ANKRD6: variants seen among roughly 807,000 people sequenced by gnomAD.
ANKRD6 encodes the protein ankyrin repeat domain-containing protein 6.
A neutral mutation model predicts 82.3 loss-of-function variants in ANKRD6; 56 were observed. The observed-to-expected ratio is 0.68, with a 90% confidence interval of 0.55 to 0.85. The LOEUF is 0.85. Among genes scored for constraint, ANKRD6 ranks in the 40% least tolerant of loss-of-function variants. ANKRD6 has a pLI of 0.00. For missense variants in ANKRD6, 852 were observed against 907.6 expected, an observed-to-expected ratio of 0.94 and a Z score of 0.79; for synonymous variants, 347 against 352.1, an observed-to-expected ratio of 0.99 and a Z score of 0.16.
chr6:89,596,322 C>T (rs1053686450), intron 3 of ANKRD6, among the ~76,000 whole-genome samples: 1 of 152,022 alleles, frequency 6.6e-6, no homozygotes, highest in Non-Finnish European at 1.5e-5. Context: ...TTGCCTGTGT[C>T]CTGTCTCAGC....
chr6:89,612,300 G>C lies in ANKRD6; in HGVS notation c.446G>C (p.Cys149Ser). 1 of 1,561,854 alleles carries C rather than the reference G, an allele frequency of 6.4e-7. No individual in the cohort carries two copies. Among genetic ancestry groups the C allele is most frequent in the Admixed American group, 1.9e-5 (1 of 52,518 alleles). Residue 149 changes from cysteine to serine, a missense_variant, in exon 6 of 16, where the codon TGC (cysteine) becomes TCC (serine). Cys to Ser is a moderately radical substitution (Grantham distance 112). Transcript: ENST00000339746. The part of the protein sequence containing the change: ...KAGNTALHLA[C>S]QNSHSQSTRV... ...GGGAACACAGCTCTGCACCTGGCCT[G>C]CCAGAACAGCCACTCCCAGAGCACG...
At chr6:89,551,631 T>C (rs1785863125) in intron 1 of ANKRD6, among the ~76,000 whole-genome samples, 1 of 152,208 alleles carries the variant, frequency 6.6e-6, no homozygotes, top group Non-Finnish European at 1.5e-5. Flanking sequence ...ATTTTCTCTA[T>C]GAAGAGAAGA....
intron 1 of ANKRD6, among the ~76,000 whole-genome samples, chr6:89,453,958 C>A (rs549628865): frequency 1.3e-5 from 2 of 151,922 alleles, no homozygotes; most frequent in South Asian, 2.1e-4. Flanking sequence ...CCTGCCACCA[C>A]GCCCGGCTAA....
At chr6:89,572,699 TGTAAG>T (rs1790208544) in intron 2 of ANKRD6, among the ~76,000 whole-genome samples, 1 of 152,208 alleles carries the variant, frequency 6.6e-6, no homozygotes, top group Non-Finnish European at 1.5e-5. Flanking sequence ...TTTTATATAG[TGTAAG>T]GTAAGGGTCC....
chr6:89,623,339 T>A (rs10944455), intron 10 of ANKRD6, 71 bp from the exon 11 acceptor site: 1,003,663 of 1,515,602 alleles, frequency 0.66, 337,050 homozygotes, highest in South Asian at 0.69. Flanking sequence ...TTGCAAAGAA[T>A]ATTTGACCAT....
chr6:89,622,001 C>G lies in ANKRD6; in HGVS notation c.872C>G (p.Pro291Arg). 1 of 1,612,488 alleles carries G rather than the reference C, an allele frequency of 6.2e-7. No homozygotes were observed. The highest frequency in any genetic ancestry group is 8.5e-7 in the Non-Finnish European group (1 of 1,179,862). The stretch of plus-strand genomic sequence containing the variant: ...GAAGAGAGGAGAGCCCAGTCTGTGC[C>G]AAGAGATGAGGTGGCCCAAAGCAAG... The part of the protein sequence containing the change: ...LKEERRAQSV[P>R]RDEVAQSKGS... Residue 291 changes from proline (P) to arginine (R), a missense_variant, in exon 10 of 16, where the codon CCA (proline) becomes CGA (arginine). Physicochemically the swap from Pro to Arg is moderately radical, Grantham distance 103. Coordinates refer to ENST00000339746, the MANE Select transcript of ANKRD6 (RefSeq NM_001242809.2).
chr6:89,618,750 C>G (rs1802254092), intron 9 of ANKRD6, among the ~76,000 whole-genome samples: 1 of 152,074 alleles, frequency 6.6e-6, no homozygotes, highest in South Asian at 2.1e-4. Flanking sequence ...GTATTTCTTC[C>G]TTTTATCCTA....
intron 4 of ANKRD6, among the ~76,000 whole-genome samples, 186 bp from the exon 5 acceptor site, chr6:89,605,821 A>G (rs1798419927): frequency 6.6e-6 from 1 of 152,148 alleles, no homozygotes; most frequent in Non-Finnish European, 1.5e-5. Context: ...CTTATGATGT[A>G]TCATTTCTGG....
intron 2 of ANKRD6, among the ~76,000 whole-genome samples, chr6:89,574,991 T>G (rs1231913961): frequency 6.6e-6 from 1 of 151,740 alleles, no homozygotes; most frequent in African/African-American, 2.4e-5. Flanking sequence ...TTCAAAAGAG[T>G]GTGGATAGCC....
At chr6:89,575,937 A>G (rs1411936731) in intron 2 of ANKRD6, among the ~76,000 whole-genome samples, 1 of 152,236 alleles carries the variant, frequency 6.6e-6, no homozygotes, top group Non-Finnish European at 1.5e-5. Flanking sequence ...ACATGTCTTC[A>G]GAGCAAGTGG....
At chr6:89,586,463 C>T (rs183420465) in intron 2 of ANKRD6, among the ~76,000 whole-genome samples, 2,394 of 151,950 alleles carry the variant, frequency 0.016, 77 homozygotes, top group African/African-American at 0.055. Context: ...CCGAGGCGGG[C>T]GGATCACAAG....
chr6:89,473,192 C>A (rs535337308), intron 1 of ANKRD6, among the ~76,000 whole-genome samples: 1 of 152,198 alleles, frequency 6.6e-6, no homozygotes, highest in East Asian at 1.9e-4. Flanking sequence ...GGATAGATCA[C>A]CTGAGGTCAG....
chr6:89,517,349 C>G (rs1328492525), intron 1 of ANKRD6, among the ~76,000 whole-genome samples: 1 of 152,176 alleles, frequency 6.6e-6, no homozygotes, highest in African/African-American at 2.4e-5. Flanking sequence ...TGGTGGAATG[C>G]AGTTCTTTCT....
chr6:89,592,945 G>A (rs1474399626), intron 2 of ANKRD6, among the ~76,000 whole-genome samples: 7 of 152,106 alleles, frequency 4.6e-5, no homozygotes, highest in African/African-American at 9.7e-5. Flanking sequence ...ATGGTGGCAC[G>A]CACCTGTAGT....
chr6:89,492,529 A>T (rs759498267), intron 1 of ANKRD6, among the ~76,000 whole-genome samples: 2 of 152,150 alleles, frequency 1.3e-5, no homozygotes, highest in Non-Finnish European at 2.9e-5. Flanking sequence ...GAAGACAACC[A>T]CGCACACCCC....
chr6:89,527,013 C>T (rs76014912), intron 1 of ANKRD6, among the ~76,000 whole-genome samples: 1,656 of 152,318 alleles, frequency 0.011, 18 homozygotes, highest in Admixed American at 0.013. Context: ...TAGTATCTTC[C>T]AGAAACATCC....
At chr6:89,434,403 A>G (rs1287030854) in intron 1 of ANKRD6, among the ~76,000 whole-genome samples, 1 of 152,184 alleles carries the variant, frequency 6.6e-6, no homozygotes, top group African/African-American at 2.4e-5. Context: ...AGACAAACAC[A>G]CCTGGGTCCA....
At chr6:89,519,145 C>T (rs774177881) in intron 1 of ANKRD6, among the ~76,000 whole-genome samples, 11 of 152,110 alleles carry the variant, frequency 7.2e-5, no homozygotes, top group Admixed American at 3.9e-4. Flanking sequence ...TGGGCTTCAG[C>T]GTATGAATTT....
At chr6:89,610,356 C>G (rs956356212) in intron 5 of ANKRD6, among the ~76,000 whole-genome samples, 1 of 152,100 alleles carries the variant, frequency 6.6e-6, no homozygotes, top group Non-Finnish European at 1.5e-5. Flanking sequence ...CAGTATGCGG[C>G]CTTCTGTGTG....
Sources: allele counts gnomAD v4.1 joint callset (sites outside exome capture counted in the v4.1 genomes callset), GRCh38; gene constraint gnomAD v4.1.1; transcripts MANE v1.5; gene names NCBI Gene and HGNC (gene_info 2026-07-23, HGNC 2026-07-21).